SCAPER: variants seen among roughly 807,000 people sequenced by gnomAD.
SCAPER encodes S phase cyclin A-associated protein in the endoplasmic reticulum.
SCAPER carries 98 observed loss-of-function variants against 182.2 expected under a neutral mutation model. That is an observed-to-expected ratio of 0.54 (90% CI 0.46 to 0.64). The LOEUF (loss-of-function observed/expected upper bound fraction) is 0.64. Among genes scored for constraint, SCAPER ranks in the 30% least tolerant of loss-of-function variants. The probability of loss-of-function intolerance (pLI) is 0.00; values close to 1 mark genes in which losing one functional copy is unlikely to be tolerated. For synonymous variants in SCAPER, 605 were observed against 564.6 expected, an observed-to-expected ratio of 1.07 and a Z score of -1.01; for missense variants, 1,432 against 1,690.0, an observed-to-expected ratio of 0.85 and a Z score of 2.68.
At chr15:76,617,405 A>C (rs1169967013) in intron 22 of SCAPER, among the ~76,000 whole-genome samples, 3 of 152,214 alleles carry the variant, frequency 2.0e-5, no homozygotes. Context: ...TGCATCAGTA[A>C]TTACTTGCTG....
At chr15:76,386,030 T>A (rs1450644069) in intron 27 of SCAPER, among the ~76,000 whole-genome samples, 1 of 152,254 alleles carries the variant, frequency 6.6e-6, no homozygotes, top group Non-Finnish European at 1.5e-5. Flanking sequence ...ATCTGTTTCC[T>A]TGGCTTTTCC....
intron 29 of SCAPER, among the ~76,000 whole-genome samples, chr15:76,367,404 A>C (rs907818679): frequency 2.0e-5 from 3 of 152,242 alleles, no homozygotes; most frequent in African/African-American, 7.2e-5. Context: ...CCATGGCTGA[A>C]GACCAAGGCA....
At chr15:76,626,006 A>C (rs1286620734) in intron 21 of SCAPER, among the ~76,000 whole-genome samples, 1 of 152,110 alleles carries the variant, frequency 6.6e-6, no homozygotes, top group Admixed American at 6.5e-5. Flanking sequence ...TAAAAAAATC[A>C]CCAAAAAAAT....
chr15:76,905,280 GC>G lies in SCAPER; in HGVS notation c.-60+18del. ...ACCCGCCCGGGTCTGCGCTACGCACGCCCCTCGCGGACACTCACCCCCGACC... is the reference window on the plus strand; with the variant it reads ...ACCCGCCCGGGTCTGCGCTACGCACGCCCTCGCGGACACTCACCCCCGACC... On this transcript the variant is annotated intron_variant, in intron 1 of 31. Transcript: ENST00000563290. 1 of 260,718 alleles carries G rather than the reference GC, an allele frequency of 3.8e-6. No individual in the cohort carries two copies. The allele number at this position is 260,718 out of a possible 1,614,324, so 16.2% of individuals were successfully genotyped here. A position where few individuals can be genotyped will look rare whatever the true frequency, so the allele number is the denominator to read the frequency against.
chr15:76,516,285 C>T (rs1204821510), intron 23 of SCAPER, among the ~76,000 whole-genome samples: 2 of 151,610 alleles, frequency 1.3e-5, no homozygotes, highest in Non-Finnish European at 2.9e-5. Context: ...TTGGTATACA[C>T]ATGCCATGGT....
At chr15:76,853,784 C>A (rs2071033669) in intron 4 of SCAPER, among the ~76,000 whole-genome samples, 1 of 152,160 alleles carries the variant, frequency 6.6e-6, no homozygotes, top group Non-Finnish European at 1.5e-5. Context: ...TCTCGCCACT[C>A]CTATTCAATA....
At chr15:76,783,380 G>A (rs953288602) in intron 8 of SCAPER, among the ~76,000 whole-genome samples, 1 of 152,064 alleles carries the variant, frequency 6.6e-6, no homozygotes, top group Admixed American at 6.6e-5. Context: ...CTGAAATTGA[G>A]GCAATAATTA....
rs780207378 is a variant in SCAPER, at chr15:76,434,063, C to G, written c.3311+15G>C. ...TTAACAAAGAACAAAGTTTTAAGAA[C>G]TCTAGCAATTTTACCTGATAAGGTC... On this transcript the variant is annotated intron_variant, in intron 26 of 31. Transcript: ENST00000563290. 6.3e-7 allele frequency: 1 copy of G among 1,596,462 alleles called. No individual in the cohort carries two copies. Among genetic ancestry groups the G allele is most frequent in the Non-Finnish European group, 8.6e-7 (1 of 1,168,098 alleles).
intron 15 of SCAPER, among the ~76,000 whole-genome samples, chr15:76,750,999 CA>C (rs1014946066): frequency 1.3e-5 from 2 of 150,848 alleles, no homozygotes; most frequent in Admixed American, 6.6e-5. Context: ...CAGATTCCAC[CA>C]AAAAAAATTG....
chr15:76,689,586 C>T (rs555452267), intron 20 of SCAPER, among the ~76,000 whole-genome samples: 1 of 151,850 alleles, frequency 6.6e-6, no homozygotes, highest in East Asian at 1.9e-4. Flanking sequence ...AAGCCTCCCC[C>T]TAAAAATGGC....
At chr15:76,784,432 A>G (rs1384060491) in intron 8 of SCAPER, among the ~76,000 whole-genome samples, 2 of 152,254 alleles carry the variant, frequency 1.3e-5, no homozygotes, top group Non-Finnish European at 2.9e-5. Flanking sequence ...GACAGGAAGA[A>G]TCAATATTGT....
At chr15:76,655,318 G>A (rs554162212) in intron 21 of SCAPER, among the ~76,000 whole-genome samples, 7 of 152,090 alleles carry the variant, frequency 4.6e-5, no homozygotes, top group Non-Finnish European at 1.0e-4. Flanking sequence ...ATGAAGACTA[G>A]TTTTCCAAAT....
At chr15:76,896,711 A>T (rs1307175274) in intron 1 of SCAPER, among the ~76,000 whole-genome samples, 2 of 152,032 alleles carry the variant, frequency 1.3e-5, no homozygotes, top group Non-Finnish European at 2.9e-5. Flanking sequence ...CTTGAGTCTC[A>T]AACAAGAGTT....
At chr15:76,674,536 G>A (rs988167034) in intron 20 of SCAPER, among the ~76,000 whole-genome samples, 10 of 152,150 alleles carry the variant, frequency 6.6e-5, no homozygotes, top group Non-Finnish European at 1.5e-4. Context: ...TGCATACTCG[G>A]TGTTTTAAGG....
chr15:76,694,037 C>CT (rs2058520271), intron 20 of SCAPER, among the ~76,000 whole-genome samples: 1 of 150,664 alleles, frequency 6.6e-6, no homozygotes, highest in Non-Finnish European at 1.5e-5. Context: ...ATGCCTCCAG[C>CT]TTTGTTTTTT....
At chr15:76,626,958 A>T (rs1330626645) in intron 21 of SCAPER, among the ~76,000 whole-genome samples, 1 of 152,230 alleles carries the variant, frequency 6.6e-6, no homozygotes. Flanking sequence ...GTCAGAGCAA[A>T]AGATTAAAAT....
intron 23 of SCAPER, among the ~76,000 whole-genome samples, chr15:76,534,199 A>G (rs569829887): frequency 1.7e-4 from 26 of 152,332 alleles, no homozygotes; most frequent in African/African-American, 6.3e-4. Flanking sequence ...CCGTCTGTCT[A>G]CAGTTCCCCT....
chr15:76,537,345 G>A (rs954589695), intron 23 of SCAPER, among the ~76,000 whole-genome samples: 2 of 152,050 alleles, frequency 1.3e-5, no homozygotes, highest in African/African-American at 4.8e-5. Flanking sequence ...AACCAAAACA[G>A]CATGGTACTG....
intron 26 of SCAPER, among the ~76,000 whole-genome samples, chr15:76,423,889 T>C (rs1369328890): frequency 3.3e-5 from 5 of 152,252 alleles, no homozygotes; most frequent in Non-Finnish European, 7.3e-5. Context: ...CCAGTAGTCA[T>C]TCAGGAGCAG....
Sources: allele counts gnomAD v4.1 joint callset (sites outside exome capture counted in the v4.1 genomes callset), GRCh38; gene constraint gnomAD v4.1.1; transcripts MANE v1.5; gene names NCBI Gene and HGNC (gene_info 2026-07-23, HGNC 2026-07-21).